CCDC102B: variants seen among roughly 807,000 people sequenced by gnomAD.
CCDC102B encodes coiled-coil domain-containing protein 102B.
Under a neutral mutation model 57.4 loss-of-function variants are expected in CCDC102B, and 75 were observed. That is an observed-to-expected ratio of 1.31 (90% CI 1.08 to 1.58). The LOEUF is 1.58. CCDC102B is among the 40% of genes most tolerant of loss of function. The pLI is 0.00. For missense variants in CCDC102B, 636 were observed against 582.6 expected, an observed-to-expected ratio of 1.09 and a Z score of -0.94; for synonymous variants, 206 against 201.9, an observed-to-expected ratio of 1.02 and a Z score of -0.17.
intron 1 of CCDC102B, among the ~76,000 whole-genome samples, chr18:68,830,651 ATATT>A (rs1473169139): frequency 1.3e-5 from 2 of 151,416 alleles, no homozygotes; most frequent in Non-Finnish European, 3.0e-5. Flanking sequence ...TATTCCATAT[ATATT>A]CTATATAATA....
At chr18:68,979,355 TC>T (rs1170393360) in intron 6 of CCDC102B, among the ~76,000 whole-genome samples, 2 of 151,940 alleles carry the variant, frequency 1.3e-5, no homozygotes, top group African/African-American at 4.8e-5. Flanking sequence ...GTCTAGTAAT[TC>T]TGGAAAAATA....
At chr18:68,969,457 CT>C (rs1348236343) in intron 6 of CCDC102B, among the ~76,000 whole-genome samples, 1 of 147,586 alleles carries the variant, frequency 6.8e-6, no homozygotes, top group Non-Finnish European at 1.5e-5. Context: ...TTTCTTATTT[CT>C]TTTTTTTTCT....
chr18:68,715,592 T>G (rs1314196076), intron 1 of CCDC102B: 1 of 152,272 alleles, frequency 6.6e-6, no homozygotes, highest in Middle Eastern at 3.2e-3. Context: ...TGCAGCAAGC[T>G]TTAATGCATT....
chr18:68,851,659 A>C (rs1377240954), intron 4 of CCDC102B, among the ~76,000 whole-genome samples: 1 of 152,190 alleles, frequency 6.6e-6, no homozygotes, highest in East Asian at 1.9e-4. Flanking sequence ...TTGTAGTAAC[A>C]TGAAGAAAAA....
intron 6 of CCDC102B, among the ~76,000 whole-genome samples, chr18:68,977,027 T>G (rs936369203): frequency 1.3e-5 from 2 of 152,040 alleles, no homozygotes; most frequent in African/African-American, 4.8e-5. Flanking sequence ...TTCATATATA[T>G]CCTATAAATC....
rs1039471228 is a variant in CCDC102B at position 68,782,433 on chromosome 18, A to G, written c.-66-40933A>G. Among the ~76,000 whole-genome samples the G allele has an allele frequency of 2.6e-5, 4 of 152,188 alleles. 1 individual carries two copies. Among genetic ancestry groups the G allele is most frequent in the Non-Finnish European group, 5.9e-5 (4 of 68,024 alleles). On this transcript the variant is annotated intron_variant, in intron 2 of 3. Coordinates refer to the CCDC102B transcript ENST00000578970. ...TCTCTCTCAAAGGTTTTTGAAGTCA[A>G]TACAAGCTATGTCTGTGTATAGGAA...
intron 6 of CCDC102B, among the ~76,000 whole-genome samples, chr18:68,966,952 T>A (rs2050180278): frequency 6.6e-6 from 1 of 152,150 alleles, no homozygotes. Flanking sequence ...AGACTTTTGT[T>A]CAGTAGGGGA....
At chr18:69,003,150 A>G (rs1695134211) in intron 6 of CCDC102B, among the ~76,000 whole-genome samples, 1 of 152,242 alleles carries the variant, frequency 6.6e-6, no homozygotes, top group South Asian at 2.1e-4. Flanking sequence ...ACTCCGGAAC[A>G]TGATAAAAAT....
chr18:68,728,432 A>G (rs2032700611), intron 2 of CCDC102B, among the ~76,000 whole-genome samples: 1 of 152,200 alleles, frequency 6.6e-6, no homozygotes, highest in African/African-American at 2.4e-5. Flanking sequence ...TGAACAACAG[A>G]AACAAAATTA....
At chr18:68,850,899 A>T (rs980617466) in intron 4 of CCDC102B, among the ~76,000 whole-genome samples, 1 of 152,072 alleles carries the variant, frequency 6.6e-6, no homozygotes, top group African/African-American at 2.4e-5. Flanking sequence ...ACATCACTTC[A>T]TTAAAAAAAT....
chr18:68,783,110 G>T (rs1014260183), intron 2 of CCDC102B, among the ~76,000 whole-genome samples: 1 of 152,172 alleles, frequency 6.6e-6, no homozygotes, highest in Non-Finnish European at 1.5e-5. Flanking sequence ...AGGTTGGTAC[G>T]ATTGGTTCGC....
At chr18:69,012,490 A>C (rs2051545385) in intron 7 of CCDC102B, among the ~76,000 whole-genome samples, 1 of 152,172 alleles carries the variant, frequency 6.6e-6, no homozygotes, top group Admixed American at 6.6e-5. Context: ...TTGTTCCTCC[A>C]TGTAGGATTA....
chr18:68,931,726 T>C (rs2041679037), intron 6 of CCDC102B, among the ~76,000 whole-genome samples: 1 of 151,864 alleles, frequency 6.6e-6, no homozygotes, highest in Admixed American at 6.6e-5. Flanking sequence ...CAGAAGATGA[T>C]AGAGAGCACA....
At chr18:68,864,676 T>C (rs2144893601) in intron 4 of CCDC102B, among the ~76,000 whole-genome samples, 1 of 152,200 alleles carries the variant, frequency 6.6e-6, no homozygotes, top group South Asian at 2.1e-4. Context: ...ACATTATTTT[T>C]ATCCTTCTGT....
At chr18:68,902,976 G>A (rs984487524) in intron 6 of CCDC102B, among the ~76,000 whole-genome samples, 2 of 152,154 alleles carry the variant, frequency 1.3e-5, no homozygotes, top group South Asian at 2.1e-4. Context: ...AAACATTCAT[G>A]AAAGGGATAA....
intron 6 of CCDC102B, among the ~76,000 whole-genome samples, chr18:68,971,361 TTCATCA>T (rs1243741806): frequency 6.6e-6 from 1 of 152,102 alleles, no homozygotes; most frequent in African/African-American, 2.4e-5. Flanking sequence ...CTTTCACACA[TTCATCA>T]ATTATATCTT....
intron 7 of CCDC102B, among the ~76,000 whole-genome samples, chr18:69,039,985 CA>C (rs2052389816): frequency 1.3e-5 from 2 of 151,798 alleles, no homozygotes; most frequent in African/African-American, 4.8e-5. Flanking sequence ...TTTACTTTTG[CA>C]GTTAAATTAT....
At chr18:68,959,884 G>A (rs2050001892) in intron 6 of CCDC102B, among the ~76,000 whole-genome samples, 1 of 151,972 alleles carries the variant, frequency 6.6e-6, no homozygotes, top group African/African-American at 2.4e-5. Flanking sequence ...CTCTCTTCAG[G>A]GTAGTGGGCT....
At chr18:69,055,855 A>G (rs1274496313), downstream of CCDC102B, among the ~76,000 whole-genome samples, 1 of 152,038 alleles carries the variant, frequency 6.6e-6, no homozygotes, top group South Asian at 2.1e-4. Context: ...TCATCCGACA[A>G]TCTCAGAACC....
Sources: allele counts gnomAD v4.1 joint callset (sites outside exome capture counted in the v4.1 genomes callset), GRCh38; gene constraint gnomAD v4.1.1; transcripts MANE v1.5; gene names NCBI Gene and HGNC (gene_info 2026-07-23, HGNC 2026-07-21).